GALNTL6: variants seen among roughly 807,000 people sequenced by gnomAD.
GALNTL6 encodes polypeptide N-acetylgalactosaminyltransferase-like 6.
GALNTL6 carries 46 observed loss-of-function variants against 73.7 expected under a neutral mutation model. The ratio of observed to expected loss-of-function variants is 0.62; its 90% CI spans 0.49 to 0.80. The LOEUF is 0.80. Ranked by LOEUF, GALNTL6 falls within the 30% of genes least tolerant of loss-of-function variation. The pLI, the probability that GALNTL6 is intolerant of heterozygous loss-of-function variation, is 0.00. For synonymous variants in GALNTL6, 259 were observed against 263.7 expected (o/e 0.98, Z 0.17); for missense variants, 604 against 755.0 (o/e 0.80, Z 2.34).
intron 2 of GALNTL6, among the ~76,000 whole-genome samples, chr4:172,208,544 A>T (rs1481520689): frequency 6.6e-6 from 1 of 152,176 alleles, no homozygotes; most frequent in Non-Finnish European, 1.5e-5. Flanking sequence ...TCTAAAGAGC[A>T]TGAATGAGGA....
intron 8 of GALNTL6, among the ~76,000 whole-genome samples, chr4:172,921,291 C>A (rs1379936399): frequency 6.6e-6 from 1 of 152,100 alleles, no homozygotes; most frequent in African/African-American, 2.4e-5. Context: ...CATCTTATAC[C>A]TGATCATAGT....
intron 5 of GALNTL6, among the ~76,000 whole-genome samples, chr4:172,475,138 A>G (rs1212953788): frequency 6.6e-6 from 1 of 152,226 alleles, no homozygotes; most frequent in Non-Finnish European, 1.5e-5. Context: ...TATTAATAGA[A>G]AGAATGTGTC....
chr4:171,918,397 A>G (rs1276050053), intron 2 of GALNTL6, among the ~76,000 whole-genome samples: 1 of 152,162 alleles, frequency 6.6e-6, no homozygotes, highest in Admixed American at 6.6e-5. Flanking sequence ...TGACTGAGAG[A>G]AATCCAACTC....
intron 2 of GALNTL6, among the ~76,000 whole-genome samples, chr4:171,911,823 C>T (rs1335775076): frequency 1.3e-5 from 2 of 151,850 alleles, no homozygotes; most frequent in African/African-American, 4.8e-5. Context: ...ATTCATGATC[C>T]AAAATTAATT....
At chr4:172,440,134 C>T (rs1731774670) in intron 5 of GALNTL6, among the ~76,000 whole-genome samples, 1 of 152,098 alleles carries the variant, frequency 6.6e-6, no homozygotes, top group Non-Finnish European at 1.5e-5. Context: ...TATGATTCAG[C>T]TCTTGGTATT....
intron 2 of GALNTL6, among the ~76,000 whole-genome samples, chr4:171,876,191 A>G (rs1247710333): frequency 7.0e-6 from 1 of 142,806 alleles, no homozygotes; most frequent in Non-Finnish European, 1.6e-5. Flanking sequence ...ATTGAGATTT[A>G]CTGATGAATC....
intron 5 of GALNTL6, among the ~76,000 whole-genome samples, chr4:172,773,420 G>T (rs1339309312): frequency 6.6e-6 from 1 of 152,102 alleles, no homozygotes. Flanking sequence ...GCTTTAAGTG[G>T]CAGTTTTGCC....
chr4:172,487,342 C>CCTTCT (rs1554029561), intron 5 of GALNTL6, among the ~76,000 whole-genome samples: 1 of 126,972 alleles, frequency 7.9e-6, no homozygotes, highest in African/African-American at 2.9e-5. Flanking sequence ...TTCTTTCTTT[C>CCTTCT]TTTCTTTCTT....
intron 9 of GALNTL6, among the ~76,000 whole-genome samples, chr4:172,950,984 C>A (rs536891791): frequency 6.6e-6 from 1 of 152,316 alleles, no homozygotes; most frequent in African/African-American, 2.4e-5. Context: ...CAGCTGTTCT[C>A]TCTACTGTTT....
chr4:172,486,471 A>G (rs1441797730), intron 5 of GALNTL6, among the ~76,000 whole-genome samples: 1 of 152,194 alleles, frequency 6.6e-6, no homozygotes, highest in Non-Finnish European at 1.5e-5. Flanking sequence ...CTTATTTTCA[A>G]GTTCTTTAAA....
intron 10 of GALNTL6, among the ~76,000 whole-genome samples, chr4:172,994,815 C>T (rs551967024): frequency 6.6e-6 from 1 of 152,222 alleles, no homozygotes; most frequent in South Asian, 2.1e-4. Flanking sequence ...CCATCCTGTC[C>T]AGGGCTAAAA....
rs888908071 is a variant in GALNTL6 at position 172,529,987 on chromosome 4, C to T, written c.553+181298C>T. 2.6e-5 allele frequency among the ~76,000 whole-genome samples: 4 copies of T among 151,622 alleles called. No homozygotes were observed. In the East Asian group the frequency reaches 5.8e-4, roughly 22 times the overall value. ...GAACTCCTGACCTCAGGTGATCCAC[C>T]CATCTCAACCTCCCAAAGTGCTGGG... On this transcript the variant is annotated intron_variant, in intron 5 of 12. Transcript: ENST00000506823.
At chr4:172,941,127 T>C (rs1748898899) in intron 9 of GALNTL6, among the ~76,000 whole-genome samples, 1 of 152,240 alleles carries the variant, frequency 6.6e-6, no homozygotes, top group South Asian at 2.1e-4. Context: ...TTCCCAATTT[T>C]CAGCTCAGTT....
At chr4:172,375,769 C>T (rs1743006050) in intron 5 of GALNTL6, among the ~76,000 whole-genome samples, 1 of 152,142 alleles carries the variant, frequency 6.6e-6, no homozygotes, top group African/African-American at 2.4e-5. Context: ...CCTCCTAGAC[C>T]ACAAAGAGGA....
At chr4:172,938,300 G>A (rs904835723) in intron 9 of GALNTL6, among the ~76,000 whole-genome samples, 4 of 152,140 alleles carry the variant, frequency 2.6e-5, no homozygotes, top group Non-Finnish European at 4.4e-5. Flanking sequence ...GGGAGGAGGA[G>A]GAGGTGGAGG....
At chr4:172,470,719 C>A (rs1443229860) in intron 5 of GALNTL6, among the ~76,000 whole-genome samples, 1 of 152,160 alleles carries the variant, frequency 6.6e-6, no homozygotes, top group Non-Finnish European at 1.5e-5. Flanking sequence ...TTACAATTAA[C>A]CACCCTAAAG....
chr4:171,848,361 A>G (rs1304008291), intron 2 of GALNTL6, among the ~76,000 whole-genome samples: 1 of 152,174 alleles, frequency 6.6e-6, no homozygotes, highest in Non-Finnish European at 1.5e-5. Flanking sequence ...GTAATTCTTA[A>G]GGGCTCTAGG....
chr4:172,545,951 G>GA (rs879548513), intron 5 of GALNTL6, among the ~76,000 whole-genome samples: 30 of 152,182 alleles, frequency 2.0e-4, no homozygotes, highest in African/African-American at 6.3e-4. Flanking sequence ...TAGCAATCAT[G>GA]AAAAAAATAA....
At chr4:172,655,590 G>A (rs1230648952) in intron 5 of GALNTL6, among the ~76,000 whole-genome samples, 3 of 152,062 alleles carry the variant, frequency 2.0e-5, no homozygotes, top group African/African-American at 7.2e-5. Context: ...CAAAACCTAG[G>A]TGTCTTCCGC....
Sources: allele counts gnomAD v4.1 joint callset (sites outside exome capture counted in the v4.1 genomes callset), GRCh38; gene constraint gnomAD v4.1.1; transcripts MANE v1.5; gene names NCBI Gene and HGNC (gene_info 2026-07-23, HGNC 2026-07-21).